RELN: variants seen among roughly 807,000 people sequenced by gnomAD.
The protein encoded by RELN is reelin.
In RELN, 108 loss-of-function variants were observed where a neutral mutation model predicts 427.6. The ratio of observed to expected loss-of-function variants is 0.25; its 90% CI spans 0.22 to 0.30. RELN has a LOEUF of 0.30. Among genes scored for constraint, RELN ranks in the 10% least tolerant of loss-of-function variants. The pLI, the probability that RELN is intolerant of heterozygous loss-of-function variation, is 1.00. For synonymous variants in RELN, 1,524 were observed against 1,513.4 expected (o/e 1.01, Z -0.16); for missense variants, 3,715 against 4,302.8 (o/e 0.86, Z 3.82).
At chr7:103,555,428 G>A (rs991368688) in intron 38 of RELN, among the ~76,000 whole-genome samples, 3 of 152,118 alleles carry the variant, frequency 2.0e-5, no homozygotes, top group Admixed American at 6.5e-5. Flanking sequence ...TCCTCTTCTT[G>A]TTTAGAAAGT....
At chr7:103,834,586 T>G (rs564699227) in intron 2 of RELN, among the ~76,000 whole-genome samples, 1 of 152,060 alleles carries the variant, frequency 6.6e-6, no homozygotes, top group African/African-American at 2.4e-5. Context: ...AAAATAGTAA[T>G]AAATAACTCA....
At chr7:103,876,778 C>T (rs1794489117) in intron 2 of RELN, among the ~76,000 whole-genome samples, 1 of 146,678 alleles carries the variant, frequency 6.8e-6, no homozygotes, top group African/African-American at 2.5e-5. Flanking sequence ...AAAATGTCTG[C>T]TCTTTTTTTT....
intron 1 of RELN, among the ~76,000 whole-genome samples, chr7:103,977,719 T>C (rs1358771005): frequency 6.6e-6 from 1 of 152,178 alleles, no homozygotes; most frequent in African/African-American, 2.4e-5. Flanking sequence ...GAATCATTTC[T>C]ACATCTGTTT....
At chr7:103,580,920 G>T (rs970688418) in intron 28 of RELN, among the ~76,000 whole-genome samples, 1 of 152,152 alleles carries the variant, frequency 6.6e-6, no homozygotes, top group Non-Finnish European at 1.5e-5. Flanking sequence ...ACATTACACT[G>T]ATCTATTTGG....
intron 3 of RELN, among the ~76,000 whole-genome samples, chr7:103,795,999 A>C (rs1199954592): frequency 6.6e-6 from 1 of 152,198 alleles, no homozygotes; most frequent in Non-Finnish European, 1.5e-5. Context: ...AATTTGTGTA[A>C]ATAATAGAAC....
intron 4 of RELN, among the ~76,000 whole-genome samples, chr7:103,760,780 C>T (rs187920780): frequency 7.2e-5 from 11 of 152,226 alleles, no homozygotes; most frequent in African/African-American, 2.2e-4. Flanking sequence ...TATCTCTTCA[C>T]CTAATTTGAA....
chr7:103,596,696 C>T (rs1470945698), intron 24 of RELN, 35 bp from the exon 25 acceptor site: 2 of 1,583,446 alleles, frequency 1.3e-6, no homozygotes, highest in Admixed American at 1.7e-5. Context: ...ATTCAGTAAT[C>T]TGGGAGTTCT....
At chr7:103,731,195 G>A (rs1177485974) in intron 6 of RELN, among the ~76,000 whole-genome samples, 1 of 152,108 alleles carries the variant, frequency 6.6e-6, no homozygotes. Context: ...GCCTTCAAAG[G>A]AGATGGTCCC....
chr7:103,654,433 G>T (rs949237576), intron 12 of RELN, among the ~76,000 whole-genome samples: 1 of 152,044 alleles, frequency 6.6e-6, no homozygotes, highest in Non-Finnish European at 1.5e-5. Context: ...GTAGCTATTT[G>T]CTTCATGAGA....
intron 11 of RELN, among the ~76,000 whole-genome samples, chr7:103,672,523 G>A (rs569470207): frequency 1.3e-5 from 2 of 151,988 alleles, no homozygotes; most frequent in Non-Finnish European, 2.9e-5. Context: ...TTAGCACCTA[G>A]GTCAAAAGAA....
chr7:103,866,638 T>A (rs779890753), intron 2 of RELN, among the ~76,000 whole-genome samples: 43 of 152,218 alleles, frequency 2.8e-4, no homozygotes, highest in Non-Finnish European at 5.0e-4. Context: ...ATATTTCTGA[T>A]AGGCATCCCT....
rs1017626261 is a variant in RELN at position 103,603,799 on chromosome 7, A to T, written c.3147-309T>A. On this transcript the variant is annotated intron_variant, in intron 23 of 64. Transcript: ENST00000428762. This position sits in a 1 kb window ranked among gnomAD's most constrained non-coding sequence, Gnocchi z 4.3. ...GTGTGTTTGTGGGGGGCTGAGGGAT[A>T]GTGGGATTTCCCTATTGCCTTAAAA... 2.0e-5 allele frequency among the ~76,000 whole-genome samples: 3 copies of T among 152,148 alleles called. No homozygotes were observed. Among genetic ancestry groups the T allele is most frequent in the Non-Finnish European group, 2.9e-5 (2 of 68,010 alleles).
chr7:103,934,654 C>T (rs1795940679), intron 1 of RELN, among the ~76,000 whole-genome samples: 1 of 152,176 alleles, frequency 6.6e-6, no homozygotes, highest in Non-Finnish European at 1.5e-5. Flanking sequence ...CCTCCTGTTG[C>T]TAGGCAACCA....
At chr7:103,800,602 T>C (rs894056896) in intron 3 of RELN, among the ~76,000 whole-genome samples, 4 of 152,124 alleles carry the variant, frequency 2.6e-5, no homozygotes, top group Non-Finnish European at 4.4e-5. Flanking sequence ...AAGACTTAAA[T>C]GTAAGACCTA....
chr7:103,956,444 A>G (rs1796435764), intron 1 of RELN, among the ~76,000 whole-genome samples: 1 of 152,208 alleles, frequency 6.6e-6, no homozygotes, highest in Non-Finnish European at 1.5e-5. Context: ...AACAGACACG[A>G]AATGAGAGTT....
intron 51 of RELN, among the ~76,000 whole-genome samples, chr7:103,508,440 C>A (rs1411550672): frequency 6.6e-6 from 1 of 152,160 alleles, no homozygotes; most frequent in Non-Finnish European, 1.5e-5. Flanking sequence ...AGGCCTTCGC[C>A]AATATTCAGT....
intron 19 of RELN, among the ~76,000 whole-genome samples, chr7:103,633,414 C>T (rs1832512379): frequency 6.6e-6 from 1 of 151,606 alleles, no homozygotes; most frequent in South Asian, 2.1e-4. Context: ...TGCCATGTCA[C>T]CTTTTATTAA....
intron 4 of RELN, among the ~76,000 whole-genome samples, chr7:103,757,660 T>C (rs661575): frequency 0.67 from 101,622 of 152,036 alleles, 35,028 homozygotes; most frequent in South Asian, 0.78. Context: ...AAAGATATCG[T>C]AGTTTCTTCC....
intron 2 of RELN, among the ~76,000 whole-genome samples, chr7:103,860,028 T>C (rs1398869223): frequency 1.3e-5 from 2 of 152,198 alleles, no homozygotes; most frequent in East Asian, 3.9e-4. Context: ...TAAAGGCATG[T>C]AGTACAATTA....
Sources: allele counts gnomAD v4.1 joint callset (sites outside exome capture counted in the v4.1 genomes callset), GRCh38; gene constraint gnomAD v4.1.1; non-coding constraint Gnocchi (gnomAD v3.1); transcripts MANE v1.5; gene names NCBI Gene and HGNC (gene_info 2026-07-23, HGNC 2026-07-21).